The following SPSB4 variants were observed in gnomAD, a reference collection of about 807,000 sequenced individuals.
SPSB4 encodes SPRY domain-containing SOCS box protein 4.
Under a neutral mutation model 20.9 loss-of-function variants are expected in SPSB4, and 21 were observed. That is an observed-to-expected ratio of 1.01 (90% CI 0.71 to 1.45). The LOEUF (loss-of-function observed/expected upper bound fraction) is 1.45, where lower values mean the gene tolerates loss of function less well. Among genes scored for constraint, SPSB4 ranks in the 40% most tolerant of loss-of-function variants. The probability of loss-of-function intolerance (pLI) is 0.00; values close to 1 mark genes in which losing one functional copy is unlikely to be tolerated. For synonymous variants in SPSB4, 207 were observed against 183.8 expected, an observed-to-expected ratio of 1.13 and a Z score of -1.02; for missense variants, 399 against 399.2, an observed-to-expected ratio of 1.00 and a Z score of 0.00.
At chr3:141,134,954 T>C (rs1939201198) in intron 2 of SPSB4, among the ~76,000 whole-genome samples, 1 of 151,890 alleles carries the variant, frequency 6.6e-6, no homozygotes, top group Non-Finnish European at 1.5e-5. Flanking sequence ...GCAAAAGATA[T>C]ATAAGCATAC....
intron 2 of SPSB4, chr3:141,132,418 G>A (rs751259879): frequency 2.0e-4 from 41 of 210,252 alleles, no homozygotes; most frequent in Non-Finnish European, 2.3e-4. Context: ...CACCCGCCTC[G>A]GCACCCCAAA....
At chr3:141,128,534 C>T (rs146011206) in intron 2 of SPSB4, among the ~76,000 whole-genome samples, 2 of 152,232 alleles carry the variant, frequency 1.3e-5, no homozygotes, top group African/African-American at 2.4e-5. Flanking sequence ...AGGAGGGGCC[C>T]TGCCCTGCCT....
rs1229370522 is a variant in SPSB4 at position 141,066,461 on chromosome 3, G to T, written c.357G>T (p.Thr119=). The T allele has an allele frequency of 6.7e-7, 1 of 1,499,104 alleles. No homozygotes were observed. Among genetic ancestry groups the T allele is most frequent in the Non-Finnish European group, 8.9e-7 (1 of 1,124,452 alleles). 92.9% of individuals were successfully genotyped at this position (1,499,104 alleles called of 1,614,324 possible). A position where few individuals can be genotyped will look rare whatever the true frequency, so the allele number is the denominator to read the frequency against. Residue 119 remains threonine (T), a synonymous_variant, in exon 2 of 3, where the codon ACG becomes ACT. Transcript: ENST00000310546. ...CCCACGCTGTAGTTGGTGTGGCCAC[G>T]GCCCGTGCTCCCCTGCACTCCGTGG... ...RGTHAVVGVA[T]ARAPLHSVGY...
chr3:141,064,416 T>C (rs180992655), intron 1 of SPSB4, among the ~76,000 whole-genome samples: 6 of 152,240 alleles, frequency 3.9e-5, no homozygotes, highest in Admixed American at 3.3e-4. Context: ...TTGTTATGTG[T>C]TCTGGTATTC....
chr3:141,064,332 T>G (rs1270002953), intron 1 of SPSB4, among the ~76,000 whole-genome samples: 2 of 152,230 alleles, frequency 1.3e-5, no homozygotes, highest in African/African-American at 2.4e-5. Context: ...TTTTTTCTCC[T>G]GGATTTTGGG....
rs1939432587 is a variant in SPSB4 at position 141,147,469 on chromosome 3, G to A, written c.*200G>A. The A allele has an allele frequency of 3.6e-6, 3 of 832,158 alleles. No individual in the cohort carries two copies. Among genetic ancestry groups the A allele is most frequent in the Non-Finnish European group, 5.3e-6 (3 of 561,038 alleles). The allele number at this position is 832,158 out of a possible 1,614,324, so 51.5% of individuals were successfully genotyped here. On this transcript the variant is annotated 3_prime_UTR_variant, in exon 3 of 3. Transcript: ENST00000310546. ...TGCCAACAGTATCTACTGCCCTCGA[G>A]GCAGCCCTCCCAAGTCAGACACCTC...
chr3:141,061,382 T>C (rs1387417326), intron 1 of SPSB4, among the ~76,000 whole-genome samples: 8 of 152,130 alleles, frequency 5.3e-5, no homozygotes, highest in Admixed American at 5.2e-4. Flanking sequence ...TTTTGTCCTT[T>C]TTTTGTATTC....
chr3:141,116,055 C>T (rs775902314), intron 2 of SPSB4, among the ~76,000 whole-genome samples: 1 of 152,200 alleles, frequency 6.6e-6, no homozygotes, highest in Non-Finnish European at 1.5e-5. Flanking sequence ...GGGGTTTATA[C>T]TATTTAGCAA....
At chr3:141,079,938 T>C (rs1317784106) in intron 2 of SPSB4, among the ~76,000 whole-genome samples, 1 of 151,534 alleles carries the variant, frequency 6.6e-6, no homozygotes, top group Non-Finnish European at 1.5e-5. Context: ...AGAGTGGGGG[T>C]GGTGAGGCTC....
chr3:141,140,241 T>A (rs1432310714), intron 2 of SPSB4, among the ~76,000 whole-genome samples: 1 of 152,202 alleles, frequency 6.6e-6, no homozygotes, highest in Non-Finnish European at 1.5e-5. Context: ...TCGTCTAATT[T>A]TTTTTCAAAG....
At chr3:141,141,560 GA>G (rs1223294113) in intron 2 of SPSB4, among the ~76,000 whole-genome samples, 2 of 152,220 alleles carry the variant, frequency 1.3e-5, no homozygotes, top group Non-Finnish European at 2.9e-5. Context: ...ACAGAAGAGG[GA>G]GATGATCTGA....
chr3:141,119,317 T>C (rs892050695), intron 2 of SPSB4, among the ~76,000 whole-genome samples: 6 of 152,230 alleles, frequency 3.9e-5, no homozygotes, highest in Non-Finnish European at 7.4e-5. Context: ...ATGGGAATGC[T>C]TCTGATTTTT....
At chr3:141,115,897 A>G (rs573291444) in intron 2 of SPSB4, among the ~76,000 whole-genome samples, 2 of 152,306 alleles carry the variant, frequency 1.3e-5, no homozygotes, top group Admixed American at 6.5e-5. Flanking sequence ...GGCAGACTCC[A>G]TCCAAGAATT....
At position 141,094,321 on chromosome 3, in the gene SPSB4, A is replaced by C. The variant is rs73872055; in HGVS notation, c.694+27523A>C. 9.9e-3 allele frequency among the ~76,000 whole-genome samples: 1,508 copies of C among 152,316 alleles called. 35 individuals are homozygous for C. Among genetic ancestry groups the C allele is most frequent in the African/African-American group, 0.035 (1,436 of 41,550 alleles). ...GAGCAGGTGCATGGGAACTTGGTGA[A>C]TGAATGAGTCATTGCATTTGTGCCT... On this transcript the variant is annotated intron_variant, in intron 2 of 2. Transcript: ENST00000310546.
At position 141,138,732 on chromosome 3, in the gene SPSB4, G is replaced by T. The variant is rs545597031; in HGVS notation, c.695-8410G>T. 8.5e-5 allele frequency among the ~76,000 whole-genome samples: 13 copies of T among 152,284 alleles called. No homozygotes were observed. In the South Asian group the frequency reaches 2.7e-3, roughly 32 times the overall value. ...TTATAATTTCTGTTCTTTTACATTTGCTGAGGAGTGTTTTACTTCCAAGTA... is the reference window on the plus strand; with the variant it reads ...TTATAATTTCTGTTCTTTTACATTTTCTGAGGAGTGTTTTACTTCCAAGTA... On this transcript the variant is annotated intron_variant, in intron 2 of 2. Coordinates refer to ENST00000310546, the MANE Select transcript of SPSB4 (RefSeq NM_080862.3).
chr3:141,078,335 C>T (rs1559842827), intron 2 of SPSB4, among the ~76,000 whole-genome samples: 2 of 152,194 alleles, frequency 1.3e-5, no homozygotes, highest in Non-Finnish European at 2.9e-5. Context: ...TCCCAGTTGA[C>T]TTGTGCCATC....
chr3:141,112,882 G>T (rs950298939), intron 2 of SPSB4, among the ~76,000 whole-genome samples: 7 of 152,126 alleles, frequency 4.6e-5, no homozygotes, highest in Non-Finnish European at 1.5e-5. Context: ...AGTGGCCCAA[G>T]TAGAGGGGTT....
chr3:141,139,592 T>C (rs1939288291), intron 2 of SPSB4, among the ~76,000 whole-genome samples: 1 of 152,378 alleles, frequency 6.6e-6, no homozygotes, highest in African/African-American at 2.4e-5. Context: ...CCTTCACTTA[T>C]GAAGCTTAGT....
intron 2 of SPSB4, among the ~76,000 whole-genome samples, chr3:141,108,400 T>C (rs1938734684): frequency 6.6e-6 from 1 of 152,222 alleles, no homozygotes; most frequent in Non-Finnish European, 1.5e-5. Flanking sequence ...AATTGTATTT[T>C]GCTCAAACTA....
Sources: gnomAD v4.1 joint callset for allele counts (sites outside exome capture counted in the v4.1 genomes callset) on GRCh38, gnomAD v4.1.1 for gene constraint, MANE v1.5 for transcripts, NCBI Gene and HGNC (gene_info 2026-07-23, HGNC 2026-07-21) for gene names.